PLEKHA5: variants seen among roughly 807,000 people sequenced by gnomAD.
PLEKHA5 encodes the protein pleckstrin homology domain containing A5, also known as pleckstrin homology domain-containing family A member 5.
PLEKHA5 carries 55 observed loss-of-function variants against 181.9 expected under a neutral mutation model. That is an observed-to-expected ratio of 0.30 (90% CI 0.24 to 0.38). PLEKHA5 has a LOEUF of 0.38. Among genes scored for constraint, PLEKHA5 ranks in the 10% least tolerant of loss-of-function variants. The probability of loss-of-function intolerance (pLI) is 1.00; values close to 1 mark genes in which losing one functional copy is unlikely to be tolerated. For synonymous variants in PLEKHA5, 535 were observed against 529.4 expected (o/e 1.01, Z -0.15); for missense variants, 1,432 against 1,549.5 (o/e 0.92, Z 1.27).
intron 3 of PLEKHA5, among the ~76,000 whole-genome samples, chr12:19,189,808 AT>A (rs2050688402): frequency 2.0e-5 from 3 of 152,218 alleles, no homozygotes; most frequent in Non-Finnish European, 4.4e-5. Flanking sequence ...ATTGACATAA[AT>A]AACTCCTTTC....
intron 15 of PLEKHA5, among the ~76,000 whole-genome samples, chr12:19,310,642 C>T (rs531974395): frequency 2.8e-5 from 4 of 145,154 alleles, no homozygotes; most frequent in African/African-American, 1.0e-4. Context: ...GCAGGCTAGG[C>T]ACAGTAGCTC....
At chr12:19,296,104 G>A (rs1005928690) in intron 15 of PLEKHA5, among the ~76,000 whole-genome samples, 2 of 151,836 alleles carry the variant, frequency 1.3e-5, no homozygotes, top group African/African-American at 4.8e-5. Context: ...CATGGTGGTG[G>A]GCACCTGTAA....
At chr12:19,319,895 A>C in intron 16 of PLEKHA5, 126 bp from the exon 17 acceptor site, 1 of 548,734 alleles carries the variant, frequency 1.8e-6, no homozygotes, top group Non-Finnish European at 3.2e-6. Context: ...GAGTCAACTA[A>C]CACACATAAA....
rs1756019887 is a variant in PLEKHA5 at position 19,140,800 on chromosome 12, C to G, written c.227+8350C>G. ...GTATAAGCAAAAAGGAAACTATTTT[C>G]TTTTTGGAGACAGAGTCTCGCTCTG... On this transcript the variant is annotated intron_variant, in intron 3 of 31. Coordinates refer to ENST00000429027, the MANE Select transcript of PLEKHA5 (RefSeq NM_001256470.2). 3.3e-5 allele frequency among the ~76,000 whole-genome samples: 5 copies of G among 152,052 alleles called. No individual in the cohort carries two copies. In the South Asian group the frequency reaches 8.3e-4, roughly 25 times the overall value.
chr12:19,352,913 G>A (rs945844554), intron 25 of PLEKHA5, among the ~76,000 whole-genome samples: 3 of 150,272 alleles, frequency 2.0e-5, no homozygotes, highest in Non-Finnish European at 4.4e-5. Context: ...CTCCTGAGTA[G>A]CTGGGACTAT....
In PLEKHA5 at chr12:19,141,170, T is replaced by TC. The variant is rs373981325; in HGVS notation, c.227+8727dup. On this transcript the variant is annotated intron_variant, in intron 3 of 31. Transcript: ENST00000429027. The stretch of plus-strand genomic sequence containing the variant: ...CTCTTCCTCACCTGCTTTCCACCCC[T>TC]CCCCCCCAACAGAAAGCTTCTCTTT... Among the ~76,000 whole-genome samples the TC allele has an allele frequency of 4.2e-3, 640 of 151,342 alleles. 4 individuals carry two copies. The highest frequency in any genetic ancestry group is 0.015 in the African/African-American group (613 of 41,184).
chr12:19,313,631 C>A (rs898386023), intron 15 of PLEKHA5, among the ~76,000 whole-genome samples: 1 of 151,658 alleles, frequency 6.6e-6, no homozygotes, highest in African/African-American at 2.4e-5. Flanking sequence ...TTCCAAAAAG[C>A]AGTTGTAGGC....
At position 19,269,804 on chromosome 12, in the gene PLEKHA5, G is replaced by C. The variant is rs770957948; in HGVS notation, c.746G>C (p.Cys249Ser). ...AHPNMRTYYFCTDTGKEMELW... is the reference protein window; with the variant it reads ...AHPNMRTYYFSTDTGKEMELW... ...CCAAACATGCGGACCTATTATTTCT[G>C]CACTGATACAGGAAAGGAAATGGAG... is the stretch of plus-strand genomic sequence containing the variant. Residue 249 changes from cysteine (C) to serine (S), a missense_variant, in exon 9 of 32, where the codon TGC becomes TCC. Cys to Ser is a moderately radical substitution (Grantham distance 112). This residue lies in a region of PLEKHA5 where 289 missense variants were observed against 381.1 expected (regional missense o/e 0.76). Transcript: ENST00000429027. The C allele has an allele frequency of 3.1e-6, 5 of 1,608,548 alleles. No individual in the cohort carries two copies. In the East Asian group the frequency reaches 1.1e-4, roughly 36 times the overall value.
chr12:19,158,671 C>T (rs1353345320), intron 3 of PLEKHA5, among the ~76,000 whole-genome samples: 2 of 152,116 alleles, frequency 1.3e-5, no homozygotes, highest in South Asian at 2.1e-4. Context: ...TTCCTGATTT[C>T]TGTGGCTATA....
intron 3 of PLEKHA5, among the ~76,000 whole-genome samples, chr12:19,135,177 C>G (rs2035238665): frequency 6.6e-6 from 1 of 152,048 alleles, no homozygotes; most frequent in Non-Finnish European, 1.5e-5. Flanking sequence ...TAAATTATTC[C>G]TCTCCTGGAC....
intron 15 of PLEKHA5, chr12:19,307,562 G>A (rs1410731981): frequency 6.2e-6 from 2 of 321,574 alleles, no homozygotes; most frequent in Non-Finnish European, 1.2e-5. Flanking sequence ...AAAAAAGAAG[G>A]CATTCAAGAT....
intron 15 of PLEKHA5, among the ~76,000 whole-genome samples, chr12:19,309,238 T>C (rs2085428541): frequency 1.3e-5 from 2 of 152,072 alleles, no homozygotes; most frequent in Admixed American, 1.3e-4. Flanking sequence ...AGTGAACAAA[T>C]AGTATATTTT....
chr12:19,168,754 A>T (rs2045189923), intron 3 of PLEKHA5, among the ~76,000 whole-genome samples: 1 of 152,216 alleles, frequency 6.6e-6, no homozygotes. Context: ...GAATTATAAG[A>T]TTCCTTCTAA....
intron 1 of PLEKHA5, 79 bp downstream of exon 1, chr12:19,129,967 C>T: frequency 6.8e-7 from 1 of 1,469,692 alleles, no homozygotes. Context: ...GGGGGAGAGC[C>T]CGGGTCTGTG....
chr12:19,359,429 T>A lies in PLEKHA5; in HGVS notation c.3366T>A (p.Asp1122Glu). Residue 1122 changes from aspartate (D) to glutamate (E), a missense_variant, in exon 28 of 32, where the codon GAT becomes GAA. Around this residue, in one of 2 missense-constraint regions of PLEKHA5, gnomAD observed 1,143 missense variants for 1,168.4 expected, o/e 0.98. Transcript: ENST00000429027. ...TTGAGCAGACTCGAAGGAGGGATGATAAGGAACTGGACACTGCCATTAGAG... is the reference window on the plus strand; with the variant it reads ...TTGAGCAGACTCGAAGGAGGGATGAAAAGGAACTGGACACTGCCATTAGAG... Reference protein sequence around the residue: ...FRTTQTRRRDDKELDTAIREN... With the variant: ...FRTTQTRRRDEKELDTAIREN... 1 of 1,613,404 alleles carries A rather than the reference T, an allele frequency of 6.2e-7. No individual in the cohort carries two copies. Among genetic ancestry groups the A allele is most frequent in the Non-Finnish European group, 8.5e-7 (1 of 1,179,432 alleles).
chr12:19,181,888 A>G (rs939203958), intron 3 of PLEKHA5, among the ~76,000 whole-genome samples: 2 of 152,206 alleles, frequency 1.3e-5, no homozygotes, highest in Non-Finnish European at 2.9e-5. Flanking sequence ...TTCAACTGCA[A>G]TTCGACTACA....
At chr12:19,203,000 G>A (rs563611319) in intron 3 of PLEKHA5, among the ~76,000 whole-genome samples, 34 of 152,216 alleles carry the variant, frequency 2.2e-4, no homozygotes, top group Non-Finnish European at 4.3e-4. Context: ...ATTGTATCAG[G>A]TTTTGCTGGT....
chr12:19,361,254 C>G (rs1159887224), intron 28 of PLEKHA5, among the ~76,000 whole-genome samples: 1 of 152,174 alleles, frequency 6.6e-6, no homozygotes, highest in Non-Finnish European at 1.5e-5. Flanking sequence ...GCGATCTCCG[C>G]TCACTGCATG....
chr12:19,314,316 CTTTA>C (rs1292588447), intron 15 of PLEKHA5, among the ~76,000 whole-genome samples: 2 of 152,008 alleles, frequency 1.3e-5, no homozygotes, highest in Non-Finnish European at 2.9e-5. Flanking sequence ...TCAAGATTAC[CTTTA>C]ATAAAATATG....
Sources: allele counts gnomAD v4.1 joint callset (sites outside exome capture counted in the v4.1 genomes callset), GRCh38; gene constraint gnomAD v4.1.1; regional missense constraint gnomAD v4.1.1; transcripts MANE v1.5; gene names NCBI Gene and HGNC (gene_info 2026-07-23, HGNC 2026-07-21).